The following RALGAPA1 variants were observed in gnomAD, a reference collection of about 807,000 sequenced individuals.
The protein encoded by RALGAPA1 is Ral GTPase activating protein catalytic subunit alpha 1, also known as ral GTPase-activating protein subunit alpha-1.
Under a neutral mutation model 269.6 loss-of-function variants are expected in RALGAPA1, and 52 were observed. That is an observed-to-expected ratio of 0.19 (90% CI 0.15 to 0.24). The LOEUF (loss-of-function observed/expected upper bound fraction) is 0.24, where lower values mean the gene tolerates loss of function less well. RALGAPA1 is among the 10% of genes least tolerant of loss of function. RALGAPA1 has a pLI of 1.00. For synonymous variants in RALGAPA1, 817 were observed against 1,008.3 expected (o/e 0.81, Z 3.60); for missense variants, 1,917 against 3,013.9 (o/e 0.64, Z 8.52).
At chr14:35,779,349 G>C (rs1042920534) in intron 1 of RALGAPA1, among the ~76,000 whole-genome samples, 21 of 151,906 alleles carry the variant, frequency 1.4e-4, no homozygotes, top group East Asian at 3.9e-4. Context: ...AACACATTGA[G>C]ATTCCATTTC....
intron 21 of RALGAPA1, among the ~76,000 whole-genome samples, chr14:35,679,018 T>C (rs2065191938): frequency 1.3e-5 from 2 of 152,186 alleles, no homozygotes; most frequent in Non-Finnish European, 2.9e-5. Flanking sequence ...CAGCAGAGTA[T>C]AAACTTTGTA....
intron 1 of RALGAPA1, among the ~76,000 whole-genome samples, chr14:35,790,421 C>A (rs1396349801): frequency 6.6e-6 from 1 of 151,290 alleles, no homozygotes; most frequent in African/African-American, 2.4e-5. Flanking sequence ...AGCGCGGTAG[C>A]TCAGGCCTGT....
At chr14:35,700,035 T>C (rs1207282704) in intron 17 of RALGAPA1, 127 bp downstream of exon 17, 6 of 776,540 alleles carry the variant, frequency 7.7e-6, no homozygotes, top group East Asian at 2.8e-5. Context: ...TCTCAATCAC[T>C]TTCCCACTTT....
In RALGAPA1 at chr14:35,805,152, C is replaced by T. The variant is rs529020807; in HGVS notation, c.106+3578G>A. 2.6e-3 allele frequency among the ~76,000 whole-genome samples: 389 copies of T among 150,846 alleles called. 2 individuals carry two copies. The highest frequency in any genetic ancestry group is 6.7e-3 in the African/African-American group (276 of 41,100). ...AATACAAAAAAAAAAGGCGGGGCGC[C>T]GTGGCTCATGCCTGTAATCCCAGCA... is the stretch of plus-strand genomic sequence containing the variant. On this transcript the variant is annotated intron_variant, in intron 1 of 41. Coordinates refer to ENST00000680220, the MANE Select transcript of RALGAPA1 (RefSeq NM_001346249.2).
chr14:35,613,783 C>A (rs2060092346), intron 35 of RALGAPA1, among the ~76,000 whole-genome samples: 1 of 152,168 alleles, frequency 6.6e-6, no homozygotes, highest in Admixed American at 6.5e-5. Context: ...ACTCTGAAAA[C>A]TCTACTTCCA....
At chr14:35,774,062 T>C (rs1209270585) in intron 3 of RALGAPA1, among the ~76,000 whole-genome samples, 1 of 151,978 alleles carries the variant, frequency 6.6e-6, no homozygotes, top group Non-Finnish European at 1.5e-5. Context: ...TACAAGCGCC[T>C]GCCACCACCA....
intron 10 of RALGAPA1, among the ~76,000 whole-genome samples, chr14:35,743,128 C>T (rs1380722368): frequency 6.6e-6 from 1 of 151,630 alleles, no homozygotes; most frequent in Non-Finnish European, 1.5e-5. Context: ...CATGGGGAGA[C>T]CATGCAAACT....
chr14:35,592,182 ACAT>A (rs1403869644), intron 37 of RALGAPA1, among the ~76,000 whole-genome samples: 1 of 152,058 alleles, frequency 6.6e-6, no homozygotes, highest in Non-Finnish European at 1.5e-5. Flanking sequence ...GAAAGTGAAG[ACAT>A]TACAACAGGC....
intron 17 of RALGAPA1, among the ~76,000 whole-genome samples, chr14:35,698,542 A>T (rs1378166212): frequency 6.6e-6 from 1 of 152,114 alleles, no homozygotes; most frequent in Non-Finnish European, 1.5e-5. Flanking sequence ...TGGCCAAGAG[A>T]ATTCAAATTC....
intron 16 of RALGAPA1, among the ~76,000 whole-genome samples, chr14:35,707,923 C>A (rs2067944972): frequency 6.6e-6 from 1 of 151,962 alleles, no homozygotes; most frequent in Non-Finnish European, 1.5e-5. Context: ...GACACACAGA[C>A]CAATAGAACA....
intron 35 of RALGAPA1, among the ~76,000 whole-genome samples, chr14:35,622,558 A>G (rs112253594): frequency 2.5e-4 from 38 of 152,344 alleles, no homozygotes; most frequent in African/African-American, 8.7e-4. Flanking sequence ...GTGCCCACAA[A>G]AATAAAACAT....
At chr14:35,690,886 A>G (rs952580068) in intron 17 of RALGAPA1, among the ~76,000 whole-genome samples, 4 of 151,988 alleles carry the variant, frequency 2.6e-5, no homozygotes, top group Non-Finnish European at 5.9e-5. Flanking sequence ...CCTGACCAAC[A>G]TGGAGAAACC....
chr14:35,756,570 G>T, intron 7 of RALGAPA1: 1 of 287,748 alleles, frequency 3.5e-6, no homozygotes, highest in Non-Finnish European at 6.6e-6. Context: ...TACATGAGAA[G>T]TGTAGGAAAT....
intron 16 of RALGAPA1, among the ~76,000 whole-genome samples, chr14:35,709,896 A>G (rs1372457269): frequency 6.6e-6 from 1 of 152,180 alleles, no homozygotes; most frequent in Non-Finnish European, 1.5e-5. Flanking sequence ...GTCAGAGGGT[A>G]TATTATGTAC....
rs2069769246 is a variant in RALGAPA1 at position 35,725,098 on chromosome 14, A to G, written c.1792T>C (p.Ser598Pro). 1.2e-6 allele frequency: 2 copies of G among 1,609,722 alleles called. No homozygotes were observed. Among genetic ancestry groups the G allele is most frequent in the South Asian group, 2.2e-5 (2 of 90,330 alleles). The change falls in exon 14 of 42, where the codon TCA (serine) becomes CCA (proline). Residue 598 changes from serine (S) to proline (P), a missense_variant. Physicochemically the swap from Ser to Pro is moderately conservative, Grantham distance 74. This residue lies in a region of RALGAPA1 where 462 missense variants were observed against 725.6 expected (regional missense o/e 0.64). Transcript: ENST00000680220. ...RVTESVLKMP[S>P]QAFLQFQGKK... Reference sequence around the variant, plus strand: ...CCTTGGAACTGTAGAAAAGCTTGTGATGGCATCTTCAGTACAGATTCCGTG... The same window carrying G: ...CCTTGGAACTGTAGAAAAGCTTGTGGTGGCATCTTCAGTACAGATTCCGTG...
intron 18 of RALGAPA1, 36 bp from the exon 19 acceptor site, chr14:35,686,702 A>C: frequency 7.9e-7 from 1 of 1,265,984 alleles, no homozygotes; most frequent in Non-Finnish European, 1.1e-6. Flanking sequence ...TAGTGAGGAA[A>C]AACTTAACTG....
intron 1 of RALGAPA1, among the ~76,000 whole-genome samples, chr14:35,798,473 A>G (rs2076735667): frequency 6.6e-6 from 1 of 152,194 alleles, no homozygotes; most frequent in Non-Finnish European, 1.5e-5. Context: ...CGCCATGCCC[A>G]GCCTGTAAGA....
chr14:35,667,392 A>G (rs955501591), intron 26 of RALGAPA1, among the ~76,000 whole-genome samples: 1 of 152,086 alleles, frequency 6.6e-6, no homozygotes, highest in Non-Finnish European at 1.5e-5. Flanking sequence ...GCGAGACTCC[A>G]TCTCAAACAA....
chr14:35,590,533 G>C (rs1181319108), intron 37 of RALGAPA1, among the ~76,000 whole-genome samples: 1 of 152,148 alleles, frequency 6.6e-6, no homozygotes, highest in East Asian at 1.9e-4. Context: ...ATAAGGGTTT[G>C]ACAGTTACTC....
Sources: allele counts gnomAD v4.1 joint callset (sites outside exome capture counted in the v4.1 genomes callset), GRCh38; gene constraint gnomAD v4.1.1; regional missense constraint gnomAD v4.1.1; transcripts MANE v1.5; gene names NCBI Gene and HGNC (gene_info 2026-07-23, HGNC 2026-07-21).